The following MRPL3 variants were observed in gnomAD, a reference collection of about 807,000 sequenced individuals.
MRPL3 encodes the protein large ribosomal subunit protein uL3m.
MRPL3 carries 43 observed loss-of-function variants against 44.3 expected under a neutral mutation model. The observed-to-expected ratio is 0.97, with a 90% CI of 0.76 to 1.25. MRPL3 has a LOEUF of 1.25. Ranked by LOEUF, MRPL3 falls within the 50% of genes most tolerant of loss-of-function variation. The pLI, the probability that MRPL3 is intolerant of heterozygous loss-of-function variation, is 0.00. For missense variants in MRPL3, 406 were observed against 427.6 expected, an observed-to-expected ratio of 0.95 and a Z score of 0.45; for synonymous variants, 171 against 152.3, an observed-to-expected ratio of 1.12 and a Z score of -0.91.
At chr3:131,495,904 T>C (rs760615344) in intron 4 of MRPL3, among the ~76,000 whole-genome samples, 1 of 152,194 alleles carries the variant, frequency 6.6e-6, no homozygotes, top group Non-Finnish European at 1.5e-5. Flanking sequence ...CTTGTTTTTA[T>C]GGGTAAGAAA....
chr3:131,502,573 A>G (rs1934522004), intron 1 of MRPL3, among the ~76,000 whole-genome samples, 157 bp downstream of exon 1: 1 of 152,200 alleles, frequency 6.6e-6, no homozygotes, highest in Non-Finnish European at 1.5e-5. Context: ...CAATCCCCTT[A>G]GAACGTGCTT....
intron 6 of MRPL3, among the ~76,000 whole-genome samples, chr3:131,476,172 T>A (rs1933848149): frequency 6.6e-6 from 1 of 152,224 alleles, no homozygotes; most frequent in Non-Finnish European, 1.5e-5. Flanking sequence ...AATTACAGAT[T>A]GCTTTTCAAT....
In MRPL3 at chr3:131,498,296, A is replaced by C; in HGVS notation, c.370-19T>G. 2 of 1,487,678 alleles carry C rather than the reference A, an allele frequency of 1.3e-6. No homozygotes were observed. Among genetic ancestry groups the C allele is most frequent in the Non-Finnish European group, 1.9e-6 (2 of 1,068,316 alleles). The allele number at this position is 1,487,678 out of a possible 1,614,324, so 92.2% of individuals were successfully genotyped here. A position where few individuals can be genotyped will look rare whatever the true frequency, so the allele number is the denominator to read the frequency against. ...CTTGTACCTAAAAAAACAAACATAA[A>C]AAAACTAAGCATGTGCCAATATATA... On this transcript the variant is annotated intron_variant, in intron 3 of 9. Coordinates refer to ENST00000264995, the MANE Select transcript of MRPL3 (RefSeq NM_007208.4).
chr3:131,462,459 C>T lies in MRPL3; in HGVS notation c.*264G>A, dbSNP rs746117457. 2 of 287,474 alleles carry T rather than the reference C, an allele frequency of 7.0e-6. No homozygotes were observed. Among genetic ancestry groups the T allele is most frequent in the Non-Finnish European group, 1.3e-5 (2 of 156,736 alleles). The allele number at this position is 287,474 out of a possible 1,614,324, so 17.8% of individuals were successfully genotyped here. A position where few individuals can be genotyped will look rare whatever the true frequency, so the allele number is the denominator to read the frequency against. On this transcript the variant is annotated 3_prime_UTR_variant, in exon 10 of 10. Transcript: ENST00000264995. ...TGGGAAATATGTAGTAAAAAAGAAT[C>T]GAGTCCACAAATTAAGAATATTTTG...
intron 6 of MRPL3, among the ~76,000 whole-genome samples, chr3:131,476,099 T>C (rs1933846995): frequency 6.6e-6 from 1 of 152,220 alleles, no homozygotes; most frequent in Non-Finnish European, 1.5e-5. Context: ...ACTTAGCTCA[T>C]TTTAAGAGTA....
chr3:131,492,033 T>G (rs1286754339), intron 4 of MRPL3, among the ~76,000 whole-genome samples: 1 of 152,090 alleles, frequency 6.6e-6, no homozygotes, highest in Non-Finnish European at 1.5e-5. Flanking sequence ...CATCAAACAC[T>G]AGCCTCAAGA....
chr3:131,469,028 ATATAAT>A (rs1424906755), intron 8 of MRPL3, among the ~76,000 whole-genome samples: 1 of 152,152 alleles, frequency 6.6e-6, no homozygotes, highest in Non-Finnish European at 1.5e-5. Context: ...TTTAACAGAA[ATATAAT>A]TATACAGCAT....
In MRPL3 at chr3:131,462,462, G is replaced by C. The variant is rs909390222; in HGVS notation, c.*261C>G. On this transcript the variant is annotated 3_prime_UTR_variant, in exon 10 of 10. Coordinates refer to ENST00000264995, the MANE Select transcript of MRPL3 (RefSeq NM_007208.4). Reference sequence around the variant, plus strand: ...GAAATATGTAGTAAAAAAGAATCGAGTCCACAAATTAAGAATATTTTGCTA... The same window carrying C: ...GAAATATGTAGTAAAAAAGAATCGACTCCACAAATTAAGAATATTTTGCTA... 3.0e-5 allele frequency: 9 copies of C among 297,642 alleles called. No individual in the cohort carries two copies. The highest frequency in any genetic ancestry group is 4.3e-5 in the African/African-American group (2 of 46,334). The allele number at this position is 297,642 out of a possible 1,614,324, so 18.4% of individuals were successfully genotyped here.
chr3:131,492,052 C>T (rs573358546), intron 4 of MRPL3, among the ~76,000 whole-genome samples: 1 of 152,248 alleles, frequency 6.6e-6, no homozygotes, highest in South Asian at 2.1e-4. Flanking sequence ...GACCTTTGCG[C>T]ATCCTATTGC....
chr3:131,488,364 G>T (rs960635800), intron 5 of MRPL3, among the ~76,000 whole-genome samples: 2 of 152,198 alleles, frequency 1.3e-5, no homozygotes, highest in Non-Finnish European at 2.9e-5. Flanking sequence ...CTAGTTGTAT[G>T]CAAATAAAGT....
chr3:131,491,921 A>C (rs1039898059), intron 4 of MRPL3, among the ~76,000 whole-genome samples: 1 of 152,052 alleles, frequency 6.6e-6, no homozygotes. Context: ...CTAAGTCCTT[A>C]CCATGGTTTA....
At chr3:131,476,545 TTTAA>T (rs1559818018) in intron 6 of MRPL3, among the ~76,000 whole-genome samples, 1 of 152,198 alleles carries the variant, frequency 6.6e-6, no homozygotes, top group Non-Finnish European at 1.5e-5. Context: ...CTGCTTAGTT[TTTAA>T]TTAATGATAG....
chr3:131,466,270 A>G (rs1933598984), intron 9 of MRPL3, among the ~76,000 whole-genome samples: 1 of 152,162 alleles, frequency 6.6e-6, no homozygotes, highest in Non-Finnish European at 1.5e-5. Flanking sequence ...AAGTTTCACT[A>G]TTTCTTTGCT....
intron 9 of MRPL3, among the ~76,000 whole-genome samples, chr3:131,465,889 CTCTT>C (rs1340691126): frequency 7.9e-6 from 1 of 125,964 alleles, no homozygotes. Context: ...TTCTTTTTCT[CTCTT>C]TTTTTTTTTT....
rs142613214 is a variant in MRPL3 at position 131,475,650 on chromosome 3, A to T, written c.630-4371T>A. ...TGTATATAATTTTTTGGATGTGAAA[A>T]CTCAAGATAATGTGTATACCTGATC... On this transcript the variant is annotated intron_variant, in intron 6 of 9. Coordinates refer to ENST00000264995, the MANE Select transcript of MRPL3 (RefSeq NM_007208.4). 1.4e-3 allele frequency among the ~76,000 whole-genome samples: 216 copies of T among 152,292 alleles called. 1 individual carries two copies. Among genetic ancestry groups the T allele is most frequent in the Non-Finnish European group, 2.7e-3 (181 of 68,016 alleles).
intron 7 of MRPL3, among the ~76,000 whole-genome samples, chr3:131,470,621 C>T (rs894511007): frequency 6.6e-6 from 1 of 151,952 alleles, no homozygotes; most frequent in Admixed American, 6.6e-5. Context: ...AACTAAGACA[C>T]ACACACACAC....
intron 7 of MRPL3, among the ~76,000 whole-genome samples, chr3:131,470,442 C>T (rs1290292270): frequency 2.0e-5 from 3 of 152,132 alleles, no homozygotes; most frequent in African/African-American, 4.8e-5. Flanking sequence ...GCTGCTCTCA[C>T]ATTAACAGGT....
In MRPL3 at chr3:131,468,063, GA is replaced by G. The variant is rs374998359; in HGVS notation, c.894+27del. 167,303 of 1,136,162 alleles carry G rather than the reference GA, an allele frequency of 0.15. 10,040 individuals carry two copies. The highest frequency in any genetic ancestry group is 0.19 in the South Asian group (10,299 of 55,552). The allele number at this position is 1,136,162 out of a possible 1,614,324, so 70.4% of individuals were successfully genotyped here. A position where few individuals can be genotyped will look rare whatever the true frequency, so the allele number is the denominator to read the frequency against. On this transcript the variant is annotated intron_variant, in intron 9 of 9. Coordinates refer to ENST00000264995, the MANE Select transcript of MRPL3 (RefSeq NM_007208.4). ...CGAGTAAGAAACAAAAAAAAAAAAG[GA>G]AAAAAAAAGAAGACACTTATACTTA...
At chr3:131,493,192 T>C (rs113243517) in intron 4 of MRPL3, among the ~76,000 whole-genome samples, 10,049 of 152,240 alleles carry the variant, frequency 0.066, 394 homozygotes, top group African/African-American at 0.089. Context: ...CTACCCTGCA[T>C]CTCCAAAGCT....
Sources: allele counts gnomAD v4.1 joint callset (sites outside exome capture counted in the v4.1 genomes callset), GRCh38; gene constraint gnomAD v4.1.1; transcripts MANE v1.5; gene names NCBI Gene and HGNC (gene_info 2026-07-23, HGNC 2026-07-21).